Variants in MARCHF3 observed in about 807,000 individuals in gnomAD.
The protein encoded by MARCHF3 is membrane associated ring-CH-type finger 3, also known as E3 ubiquitin-protein ligase MARCHF3.
A neutral mutation model predicts 24.2 loss-of-function variants in MARCHF3; 13 were observed. The ratio of observed to expected loss-of-function variants is 0.54; its 90% CI spans 0.35 to 0.85. The LOEUF is 0.85. Ranked by LOEUF, MARCHF3 falls within the 40% of genes least tolerant of loss-of-function variation. The pLI is 0.01. For missense variants in MARCHF3, 276 were observed against 325.0 expected (o/e 0.85, Z 1.16); for synonymous variants, 144 against 137.3 (o/e 1.05, Z -0.34).
intron 1 of MARCHF3, among the ~76,000 whole-genome samples, chr5:126,975,958 T>C (rs1751181580): frequency 6.6e-6 from 1 of 152,214 alleles, no homozygotes; most frequent in Non-Finnish European, 1.5e-5. Flanking sequence ...TTTGGGTTTC[T>C]TTCACTCCCT....
At chr5:126,972,911 C>A (rs781264854) in intron 1 of MARCHF3, among the ~76,000 whole-genome samples, 4 of 152,204 alleles carry the variant, frequency 2.6e-5, no homozygotes, top group Non-Finnish European at 5.9e-5. Context: ...AATTTATATA[C>A]CACATTTCTC....
intron 1 of MARCHF3, among the ~76,000 whole-genome samples, chr5:127,006,909 G>A (rs921138307): frequency 6.6e-6 from 1 of 152,100 alleles, no homozygotes; most frequent in African/African-American, 2.4e-5. Flanking sequence ...GAATGATGCA[G>A]TGAATGAATT....
intron 3 of MARCHF3, among the ~76,000 whole-genome samples, chr5:126,909,774 G>T (rs1238869520): frequency 6.6e-6 from 1 of 152,134 alleles, no homozygotes; most frequent in East Asian, 1.9e-4. Flanking sequence ...CCCGTCTTCT[G>T]CGTTGCTCAC....
At chr5:126,914,675 A>G in intron 3 of MARCHF3, 1 of 564,910 alleles carries the variant, frequency 1.8e-6, no homozygotes, top group Non-Finnish European at 3.2e-6. Flanking sequence ...TCCTTATACT[A>G]ATTTATTCTG....
intron 3 of MARCHF3, among the ~76,000 whole-genome samples, chr5:126,881,874 G>C (rs1462699548): frequency 2.6e-5 from 4 of 152,204 alleles, no homozygotes; most frequent in African/African-American, 9.6e-5. Context: ...CAGACACACA[G>C]AGTGAGAGAG....
chr5:127,002,016 T>C (rs1400986578), intron 1 of MARCHF3, among the ~76,000 whole-genome samples: 2 of 152,136 alleles, frequency 1.3e-5, no homozygotes, highest in Non-Finnish European at 2.9e-5. Flanking sequence ...ACACTACACA[T>C]AGTGACACAT....
At chr5:127,015,523 C>A (rs781369918) in intron 1 of MARCHF3, among the ~76,000 whole-genome samples, 1 of 152,136 alleles carries the variant, frequency 6.6e-6, no homozygotes, top group Non-Finnish European at 1.5e-5. Flanking sequence ...AAGAAAAAAA[C>A]ACAAAAGCAC....
chr5:126,939,067 T>C (rs1749740640), intron 1 of MARCHF3, among the ~76,000 whole-genome samples: 1 of 152,122 alleles, frequency 6.6e-6, no homozygotes, highest in Non-Finnish European at 1.5e-5. Flanking sequence ...TTGCCAGAGG[T>C]TTCTCCCTTC....
intron 1 of MARCHF3, among the ~76,000 whole-genome samples, chr5:126,980,944 C>T (rs1751373168): frequency 6.6e-6 from 1 of 152,166 alleles, no homozygotes; most frequent in South Asian, 2.1e-4. Context: ...ATATTCCATC[C>T]ATGGCCCCAG....
At chr5:126,999,571 C>G (rs1752058062) in intron 1 of MARCHF3, among the ~76,000 whole-genome samples, 1 of 152,218 alleles carries the variant, frequency 6.6e-6, no homozygotes. Context: ...ACCAGCCAAT[C>G]CAGTTGCATT....
chr5:127,006,221 A>T (rs1054850996), intron 1 of MARCHF3, among the ~76,000 whole-genome samples: 6 of 151,236 alleles, frequency 4.0e-5, no homozygotes, highest in Admixed American at 3.9e-4. Context: ...AAAAAAAAAA[A>T]TTTCTTTAAA....
rs544406227 is a variant in MARCHF3, at chr5:126,937,022, C to T, written c.-56-18795G>A. On this transcript the variant is annotated intron_variant, in intron 1 of 4. Transcript: ENST00000308660. ...AGGCCACTAGTGTGTCATTTGCTTTCCCTCAGCTTTGGGTCTCTCAACAGT... is the reference window on the plus strand; with the variant it reads ...AGGCCACTAGTGTGTCATTTGCTTTTCCTCAGCTTTGGGTCTCTCAACAGT... Among the ~76,000 whole-genome samples, 15 of 152,370 alleles carry T rather than the reference C, an allele frequency of 9.8e-5. No individual in the cohort carries two copies. The South Asian group carries it at 3.1e-3, about 32-fold the overall frequency.
At chr5:126,949,606 C>T (rs941354862) in intron 1 of MARCHF3, among the ~76,000 whole-genome samples, 52 of 152,262 alleles carry the variant, frequency 3.4e-4, no homozygotes, top group African/African-American at 1.2e-3. Context: ...AAGTGGAATA[C>T]ATCCTAGGAG....
At position 126,951,808 on chromosome 5, in the gene MARCHF3, T is replaced by C. The variant is rs150124502; in HGVS notation, c.-56-33581A>G. 2.0e-5 allele frequency among the ~76,000 whole-genome samples: 3 copies of C among 152,306 alleles called. No homozygotes were observed. The East Asian group carries it at 5.8e-4, about 29-fold the overall frequency. On this transcript the variant is annotated intron_variant, in intron 1 of 4. Transcript: ENST00000308660. ...CCTTTAATGTTTCCATTTGAGTTCT[T>C]TGGACATTTTTCTCCATTGTTCAGT...
intron 1 of MARCHF3, among the ~76,000 whole-genome samples, chr5:126,989,272 C>G (rs1299342522): frequency 5.3e-5 from 8 of 151,548 alleles, no homozygotes; most frequent in Non-Finnish European, 7.4e-5. Context: ...GAGAGAGACC[C>G]TGTCTCTAGA....
chr5:126,878,408 G>T lies in MARCHF3; in HGVS notation c.394-14C>A. 1.2e-6 allele frequency: 2 copies of T among 1,605,470 alleles called. No individual in the cohort carries two copies. The highest frequency in any genetic ancestry group is 8.5e-7 in the Non-Finnish European group (1 of 1,175,712). Reference sequence around the variant, plus strand: ...GTTTCTCAGCCACTGCCAGGTAAAGGGAGACAGAGAAGAGCAAGGGAGAGG... The same window carrying T: ...GTTTCTCAGCCACTGCCAGGTAAAGTGAGACAGAGAAGAGCAAGGGAGAGG... On this transcript the variant is annotated splice_polypyrimidine_tract_variant and intron_variant, in intron 3 of 4. Coordinates refer to ENST00000308660, the MANE Select transcript of MARCHF3 (RefSeq NM_178450.5).
At chr5:126,998,109 G>A (rs2126848282) in intron 1 of MARCHF3, among the ~76,000 whole-genome samples, 1 of 152,126 alleles carries the variant, frequency 6.6e-6, no homozygotes, top group Non-Finnish European at 1.5e-5. Context: ...CTCACAACAT[G>A]GGAAATCTTG....
At chr5:126,930,433 C>T (rs1749444053) in intron 1 of MARCHF3, among the ~76,000 whole-genome samples, 1 of 152,230 alleles carries the variant, frequency 6.6e-6, no homozygotes, top group Admixed American at 6.5e-5. Context: ...CCCTGCAGAC[C>T]TCCACTGTAT....
At chr5:126,950,783 T>C (rs528996037) in intron 1 of MARCHF3, among the ~76,000 whole-genome samples, 1 of 152,342 alleles carries the variant, frequency 6.6e-6, no homozygotes, top group East Asian at 1.9e-4. Flanking sequence ...AACTATCACC[T>C]CATTTTTCTT....
Sources: allele counts gnomAD v4.1 joint callset (sites outside exome capture counted in the v4.1 genomes callset), GRCh38; gene constraint gnomAD v4.1.1; transcripts MANE v1.5; gene names NCBI Gene and HGNC (gene_info 2026-07-23, HGNC 2026-07-21).